Variants in ZNF362 observed in about 807,000 individuals in gnomAD.
ZNF362 encodes the protein rotund homolog.
In ZNF362, 11 loss-of-function variants were observed where a neutral mutation model predicts 42.9. That is an observed-to-expected ratio of 0.26 (90% CI 0.16 to 0.42). The LOEUF is 0.42. Among genes scored for constraint, ZNF362 ranks in the 20% least tolerant of loss-of-function variants. The pLI is 1.00. For missense variants in ZNF362, 362 were observed against 576.2 expected (o/e 0.63, Z 3.81); for synonymous variants, 255 against 257.3 (o/e 0.99, Z 0.09).
chr1:33,258,546 A>G (rs1645808998), intron 1 of ZNF362, among the ~76,000 whole-genome samples: 1 of 152,118 alleles, frequency 6.6e-6, no homozygotes, highest in Admixed American at 6.5e-5. Context: ...GTCCAGAGAG[A>G]GGAAGTGACT....
chr1:33,273,240 T>A (rs1342661940), intron 2 of ZNF362, among the ~76,000 whole-genome samples: 2 of 152,264 alleles, frequency 1.3e-5, no homozygotes, highest in African/African-American at 2.4e-5. Context: ...AGTAGGTAGA[T>A]ACCAGGACTA....
At chr1:33,275,976 G>C (rs1645941990) in intron 2 of ZNF362, 124 bp from the exon 3 acceptor site, 1 of 1,049,124 alleles carries the variant, frequency 9.5e-7, no homozygotes, top group Non-Finnish European at 1.4e-6. Context: ...CTGTGAGGCT[G>C]GGGGACCCAC....
chr1:33,225,431 A>G, the ZNF362 span, among the ~76,000 whole-genome samples: 1 of 152,146 alleles, frequency 6.6e-6, no homozygotes, highest in Non-Finnish European at 1.5e-5. Context: ...GATTTATTTA[A>G]AAAATATATA....
the ZNF362 span, among the ~76,000 whole-genome samples, chr1:33,152,757 G>C: frequency 8.7e-4 from 133 of 152,246 alleles, no homozygotes; most frequent in Non-Finnish European, 4.6e-4. Context: ...AGGAAACTGG[G>C]GCTCTGAGAG....
chr1:33,147,341 A>AAGCTT, the ZNF362 span: 1 of 1,614,242 alleles, frequency 6.2e-7, no homozygotes, highest in East Asian at 2.2e-5. This position sits in a 1 kb window ranked among gnomAD's most constrained non-coding sequence, Gnocchi z 8.1. Flanking sequence ...CCTTGGTCAT[A>AAGCTT]GTCCAGGAAG....
At position 33,281,676 on chromosome 1, in the gene ZNF362, C is replaced by T. The variant is rs752007262; in HGVS notation, c.773C>T (p.Pro258Leu). 1.9e-6 allele frequency: 3 copies of T among 1,614,104 alleles called. No homozygotes were observed. The highest frequency in any genetic ancestry group is 1.7e-5 in the Admixed American group (1 of 60,012). Residue 258 changes from proline to leucine, a missense_variant, in exon 6 of 9, where the codon CCG becomes CTG. By Grantham distance (98) the Pro-to-Leu change is moderately conservative. Around this residue, in one of 3 missense-constraint regions of ZNF362, gnomAD observed 266 missense variants for 365.4 expected, o/e 0.73. Transcript: ENST00000539719. This position sits in a 1 kb window ranked among gnomAD's most constrained non-coding sequence, Gnocchi z 4.8. ...ACAGAGGCCAAGCCCCACAAGTGCC[C>T]GCACTGCTCCAAGTCCTTTGCCAAC... The part of the protein sequence containing the change: ...SHTEAKPHKC[P>L]HCSKSFANAS...
chr1:33,298,534 GA>G (rs1646140964), intron 8 of ZNF362, among the ~76,000 whole-genome samples: 1 of 152,184 alleles, frequency 6.6e-6, no homozygotes, highest in Non-Finnish European at 1.5e-5. Flanking sequence ...TCACCACTAA[GA>G]AAGAGCAGAG....
chr1:33,159,625 C>A, the ZNF362 span: 1 of 1,537,114 alleles, frequency 6.5e-7, no homozygotes. This position sits in a 1 kb window ranked among gnomAD's most constrained non-coding sequence, Gnocchi z 4.2. Flanking sequence ...TCCACTCCCA[C>A]TGCCCAGCAT....
At position 33,280,227 on chromosome 1, in the gene ZNF362, C is replaced by T; in HGVS notation, c.453C>T (p.Thr151=). ...GTSTPSTPTT[T]SQSRLIASSP... ...GCACCCCGTCCACACCCACCACCAC[C>T]AGCCAGAGCCGCCTCATCGCCTCGT... The change falls in exon 5 of 9, where the codon ACC becomes ACT. Residue 151 remains threonine (T), a synonymous_variant. Transcript: ENST00000539719. The surrounding 1 kb of genome is among the most constrained non-coding windows in gnomAD (Gnocchi z 5.6). The T allele has an allele frequency of 6.2e-7, 1 of 1,614,026 alleles. No homozygotes were observed. The highest frequency in any genetic ancestry group is 8.5e-7 in the Non-Finnish European group (1 of 1,179,930).
chr1:33,228,962 T>C, the ZNF362 span, among the ~76,000 whole-genome samples: 7 of 152,182 alleles, frequency 4.6e-5, no homozygotes, highest in African/African-American at 1.7e-4. Flanking sequence ...CCAGCCTTCC[T>C]TGCTCTTCCC....
At chr1:33,260,160 C>A (rs1214942350) in intron 1 of ZNF362, among the ~76,000 whole-genome samples, 1 of 152,218 alleles carries the variant, frequency 6.6e-6, no homozygotes, top group Non-Finnish European at 1.5e-5. Flanking sequence ...ATGATCTGGG[C>A]ACCCTGAAAG....
the ZNF362 span, among the ~76,000 whole-genome samples, chr1:33,131,244 C>G: frequency 1.3e-5 from 2 of 152,220 alleles, no homozygotes; most frequent in East Asian, 3.8e-4. Context: ...TAGCCATTCT[C>G]TCCACAAATG....
At chr1:33,184,588 G>C in the ZNF362 span, among the ~76,000 whole-genome samples, 1 of 152,152 alleles carries the variant, frequency 6.6e-6, no homozygotes, top group Non-Finnish European at 1.5e-5. Context: ...CAGGGACACA[G>C]CTTCAATAAT....
intron 4 of ZNF362, among the ~76,000 whole-genome samples, chr1:33,279,717 T>G (rs1183336242): frequency 1.3e-5 from 2 of 152,152 alleles, no homozygotes; most frequent in Non-Finnish European, 2.9e-5. Flanking sequence ...TACTTATTTT[T>G]TTGTGTGCAT....
At chr1:33,188,091 G>A in the ZNF362 span, among the ~76,000 whole-genome samples, 11 of 152,162 alleles carry the variant, frequency 7.2e-5, no homozygotes, top group Admixed American at 4.6e-4. Context: ...AAAATTAGCC[G>A]GGGGTGGTGG....
chr1:33,218,976 C>T, the ZNF362 span, among the ~76,000 whole-genome samples: 1 of 137,216 alleles, frequency 7.3e-6, no homozygotes, highest in Non-Finnish European at 1.7e-5. Flanking sequence ...CACACACACA[C>T]ACACATACAC....
chr1:33,196,615 C>G, the ZNF362 span, among the ~76,000 whole-genome samples: 1 of 151,936 alleles, frequency 6.6e-6, no homozygotes, highest in South Asian at 2.1e-4. Flanking sequence ...TTGCAGTTAA[C>G]TTTTTTTTCT....
At chr1:33,171,173 T>C in the ZNF362 span, among the ~76,000 whole-genome samples, 1 of 152,044 alleles carries the variant, frequency 6.6e-6, no homozygotes, top group East Asian at 1.9e-4. Context: ...AAACTAGAAA[T>C]TTTACTCCAG....
chr1:33,255,954 G>A (rs1645784791), upstream of ZNF362, among the ~76,000 whole-genome samples: 6 of 151,884 alleles, frequency 4.0e-5, no homozygotes, highest in South Asian at 1.2e-3. Flanking sequence ...CCATCACCCA[G>A]GAGTGGGGTG....
Sources: allele counts gnomAD v4.1 joint callset (sites outside exome capture counted in the v4.1 genomes callset), GRCh38; gene constraint gnomAD v4.1.1; regional missense constraint gnomAD v4.1.1; non-coding constraint Gnocchi (gnomAD v3.1); transcripts MANE v1.5; gene names NCBI Gene and HGNC (gene_info 2026-07-23, HGNC 2026-07-21).